Variants in OTOF observed in about 807,000 individuals in gnomAD.
OTOF encodes otoferlin.
OTOF carries 218 observed loss-of-function variants against 236.8 expected under a neutral mutation model. The observed-to-expected ratio is 0.92, with a 90% CI of 0.82 to 1.03. OTOF has a LOEUF of 1.03. OTOF is among the 50% of genes least tolerant of loss of function. The probability of loss-of-function intolerance (pLI) is 0.00; values close to 1 mark genes in which losing one functional copy is unlikely to be tolerated. For missense variants in OTOF, 2,590 were observed against 2,694.4 expected, an observed-to-expected ratio of 0.96 and a Z score of 0.86; for synonymous variants, 1,041 against 1,072.5, an observed-to-expected ratio of 0.97 and a Z score of 0.57.
intron 5 of OTOF, among the ~76,000 whole-genome samples, chr2:26,514,996 G>C (rs538229537): frequency 3.6e-4 from 55 of 152,310 alleles, no homozygotes; most frequent in Admixed American, 2.0e-3. Flanking sequence ...TTTCCAACCC[G>C]ATTCCTGACT....
chr2:26,476,436 C>T lies in OTOF; in HGVS notation c.2677-119G>A, dbSNP rs1307265093. On this transcript the variant is annotated intron_variant, in intron 22 of 46. Transcript: ENST00000272371. Reference sequence around the variant, plus strand: ...CTGCCCTGCCCCTTCACAGCCATCCCGCTGGGCTGGGGTCCGGTGGAGGCA... The same window carrying T: ...CTGCCCTGCCCCTTCACAGCCATCCTGCTGGGCTGGGGTCCGGTGGAGGCA... 1.7e-5 allele frequency: 17 copies of T among 977,004 alleles called. No homozygotes were observed. The South Asian group carries it at 1.8e-4, about 11-fold the overall frequency. The allele number at this position is 977,004 out of a possible 1,614,324, so 60.5% of individuals were successfully genotyped here.
In OTOF at chr2:26,472,663, T is replaced by G. The variant is rs372484533; in HGVS notation, c.3734-14A>C. On this transcript the variant is annotated splice_polypyrimidine_tract_variant and intron_variant, in intron 29 of 46. Coordinates refer to ENST00000272371, the MANE Select transcript of OTOF (RefSeq NM_194248.3). The stretch of plus-strand genomic sequence containing the variant: ...GGAGAAGCCTGACTGGACAGATGGA[T>G]AGATGGACAGACAGGCAGAGGAAGG... 7 of 1,612,092 alleles carry G rather than the reference T, an allele frequency of 4.3e-6. No individual in the cohort carries two copies. The highest frequency in any genetic ancestry group is 1.7e-5 in the Admixed American group (1 of 59,874).
At chr2:26,517,046 A>G (rs1316915364) in intron 4 of OTOF, among the ~76,000 whole-genome samples, 1 of 152,180 alleles carries the variant, frequency 6.6e-6, no homozygotes, top group Non-Finnish European at 1.5e-5. Flanking sequence ...AAATGGACAG[A>G]ATGAGCTGAA....
chr2:26,458,115 C>G lies in OTOF; in HGVS notation c.*123G>C. On this transcript the variant is annotated 3_prime_UTR_variant, in exon 47 of 47. Coordinates refer to ENST00000272371, the MANE Select transcript of OTOF (RefSeq NM_194248.3). ...AGAGCCCCAACATGAGCAGCCCCAA[C>G]AGCGCCAGCACGATCTTGATGATGA... The G allele has an allele frequency of 6.2e-7, 1 of 1,614,176 alleles. No homozygotes were observed. The highest frequency in any genetic ancestry group is 2.2e-5 in the East Asian group (1 of 44,882).
At chr2:26,475,831 G>GCCCCACAGGCTCCAGT (rs1224651177) in intron 24 of OTOF, 83 bp downstream of exon 24, 2 of 1,512,370 alleles carry the variant, frequency 1.3e-6, no homozygotes, top group South Asian at 1.2e-5. Context: ...AGGCTCACAG[G>GCCCCACAGGCTCCAGT]CCCCACAGGC....
intron 11 of OTOF, among the ~76,000 whole-genome samples, chr2:26,488,635 C>T (rs1051340766): frequency 6.6e-6 from 1 of 152,254 alleles, no homozygotes; most frequent in African/African-American, 2.4e-5. Context: ...CCAGCATCAC[C>T]GCTTTCAGAT....
intron 1 of OTOF, among the ~76,000 whole-genome samples, chr2:26,544,548 G>T (rs1033559621): frequency 6.6e-6 from 1 of 152,184 alleles, no homozygotes. Context: ...ATAGCCCGTT[G>T]CATGCCTATA....
At chr2:26,490,438 G>A (rs892291335) in intron 9 of OTOF, among the ~76,000 whole-genome samples, 2 of 152,210 alleles carry the variant, frequency 1.3e-5, no homozygotes, top group Non-Finnish European at 2.9e-5. Flanking sequence ...GGTGCTGTGG[G>A]CTGCCATGCA....
chr2:26,474,199 C>T, intron 26 of OTOF, 89 bp from the exon 27 acceptor site: 1 of 1,560,990 alleles, frequency 6.4e-7, no homozygotes, highest in South Asian at 1.1e-5. Flanking sequence ...TCTGGGGAGA[C>T]AGGGAAACCC....
rs1338118479 is a variant in OTOF at position 26,514,400 on chromosome 2, G to A, written c.509+2018C>T. 3.3e-5 allele frequency among the ~76,000 whole-genome samples: 5 copies of A among 152,342 alleles called. No individual in the cohort carries two copies. The East Asian group carries it at 5.8e-4, about 18-fold the overall frequency. On this transcript the variant is annotated intron_variant, in intron 5 of 46. Transcript: ENST00000272371. ...AGCCACCAGGCTGTGAGGAAGGGTCGGGGGAGCCCTCTTATCTCCAGATTC... is the reference window on the plus strand; with the variant it reads ...AGCCACCAGGCTGTGAGGAAGGGTCAGGGGAGCCCTCTTATCTCCAGATTC...
intron 15 of OTOF, 100 bp downstream of exon 15, chr2:26,480,686 A>G (rs1285501351): frequency 3.1e-6 from 3 of 967,042 alleles, no homozygotes; most frequent in Non-Finnish European, 3.3e-6. Context: ...CTCCTCAGGT[A>G]GACAGGGCAG....
intron 1 of OTOF, among the ~76,000 whole-genome samples, chr2:26,558,267 C>A (rs1193091139): frequency 6.6e-6 from 1 of 152,034 alleles, no homozygotes; most frequent in Non-Finnish European, 1.5e-5. Flanking sequence ...TTGGCAAGCA[C>A]AAGGAGACAC....
chr2:26,495,948 T>C (rs1166133663), intron 8 of OTOF, among the ~76,000 whole-genome samples: 1 of 152,218 alleles, frequency 6.6e-6, no homozygotes, highest in African/African-American at 2.4e-5. Flanking sequence ...TTTCTGGAAT[T>C]TGGCTCCCCC....
At chr2:26,465,065 G>A (rs376230228) in intron 38 of OTOF, 36 bp from the exon 39 acceptor site, 7 of 1,445,034 alleles carry the variant, frequency 4.8e-6, no homozygotes, top group Non-Finnish European at 6.4e-6. Context: ...GAGGGGCTGG[G>A]TGGGACTAAG....
Position 26,476,229 on chromosome 2 carries a change from C to G in OTOF, c.2765G>C (p.Arg922Pro), listed in dbSNP as rs148094939. The change falls in exon 23 of 47, where the codon CGC (arginine) becomes CCC (proline). Residue 922 changes from arginine to proline, a missense_variant. This residue lies in a region of OTOF where 1,379 missense variants were observed against 1,341.6 expected (regional missense o/e 1.03). Transcript: ENST00000272371. Reference protein sequence around the residue: ...LYLWLGLSKQRKEFLCGLPCG... With the variant: ...LYLWLGLSKQPKEFLCGLPCG... The stretch of plus-strand genomic sequence containing the variant: ...GGGCAGGCCGCACAGGAACTCCTTG[C>G]GCTGTTTGCTGAGGCCCAGCCACAG... The G allele has an allele frequency of 6.2e-7, 1 of 1,608,914 alleles. No individual in the cohort carries two copies.
Position 26,489,389 on chromosome 2 carries a change from G to A in OTOF, c.961-94C>T, listed in dbSNP as rs776719930. ...GGACCCGAGCTTTGTGGTGAAGTGG[G>A]AGGGCGTTGGCAGAGTGGGGTGGCT... On this transcript the variant is annotated intron_variant, in intron 10 of 46. Coordinates refer to ENST00000272371, the MANE Select transcript of OTOF (RefSeq NM_194248.3). 8.4e-4 allele frequency: 822 copies of A among 973,496 alleles called. 2 individuals carry two copies. The highest frequency in any genetic ancestry group is 1.2e-3 in the Non-Finnish European group (731 of 627,440). 60.3% of individuals were successfully genotyped at this position (973,496 alleles called of 1,614,324 possible).
chr2:26,550,558 C>T (rs1274728825), intron 1 of OTOF, among the ~76,000 whole-genome samples: 3 of 152,142 alleles, frequency 2.0e-5, no homozygotes, highest in African/African-American at 7.2e-5. Context: ...CCATGTTTGC[C>T]AGAATTCAGG....
At chr2:26,466,669 G>A (rs756004479) in intron 36 of OTOF, 45 bp downstream of exon 36, 1 of 1,611,414 alleles carries the variant, frequency 6.2e-7, no homozygotes, top group Non-Finnish European at 8.5e-7. Context: ...TCCCAGATGG[G>A]AGGATGAGGA....
chr2:26,500,327 C>T (rs568576093), intron 8 of OTOF, among the ~76,000 whole-genome samples: 9 of 152,310 alleles, frequency 5.9e-5, no homozygotes, highest in African/African-American at 2.2e-4. Flanking sequence ...AGCACAGTGC[C>T]TGGCATAGAA....
Sources: allele counts gnomAD v4.1 joint callset (sites outside exome capture counted in the v4.1 genomes callset), GRCh38; gene constraint gnomAD v4.1.1; regional missense constraint gnomAD v4.1.1; transcripts MANE v1.5; gene names NCBI Gene and HGNC (gene_info 2026-07-23, HGNC 2026-07-21).